GLIPR1: variants seen among roughly 807,000 people sequenced by gnomAD.
GLIPR1 encodes glioma pathogenesis-related protein 1.
Under a neutral mutation model 30.3 loss-of-function variants are expected in GLIPR1, and 38 were observed. The ratio of observed to expected loss-of-function variants is 1.26; its 90% CI spans 0.97 to 1.65. The LOEUF (loss-of-function observed/expected upper bound fraction) is 1.65, where lower values mean the gene tolerates loss of function less well. GLIPR1 is among the 40% of genes most tolerant of loss of function. The pLI is 0.00. For synonymous variants in GLIPR1, 122 were observed against 110.6 expected (o/e 1.10, Z -0.65); for missense variants, 285 against 326.5 (o/e 0.87, Z 0.98).
rs752614186 is a variant in GLIPR1, at chr12:75,501,703, T to C, written c.*2725T>C. 3 of 1,496,100 alleles carry C rather than the reference T, an allele frequency of 2.0e-6. No homozygotes were observed. Among genetic ancestry groups the C allele is most frequent in the Non-Finnish European group, 1.8e-6 (2 of 1,084,894 alleles). The allele number at this position is 1,496,100 out of a possible 1,614,324, so 92.7% of individuals were successfully genotyped here. A position where few individuals can be genotyped will look rare whatever the true frequency, so the allele number is the denominator to read the frequency against. On this transcript the variant is annotated 3_prime_UTR_variant, in exon 6 of 6. Coordinates refer to ENST00000266659, the MANE Select transcript of GLIPR1 (RefSeq NM_006851.3). ...ACTTTTCCTAATTAATAAAGACTTT[T>C]ACATCATAGAAAGCATTACCTTCCT...
At chr12:75,488,768 C>CCCAGCT (rs981235191) in intron 2 of GLIPR1, among the ~76,000 whole-genome samples, 2 of 152,188 alleles carry the variant, frequency 1.3e-5, no homozygotes, top group African/African-American at 2.4e-5. Context: ...ACCAGCTCAT[C>CCCAGCT]CCAGCTCCAG....
chr12:75,481,444 G>A, intron 1 of GLIPR1: 1 of 222,872 alleles, frequency 4.5e-6, no homozygotes, highest in Non-Finnish European at 8.9e-6. Context: ...AATGGCATCT[G>A]GGGAAAGGAT....
Position 75,481,817 on chromosome 12 carries a change from A to C in GLIPR1, c.175-17A>C. On this transcript the variant is annotated splice_polypyrimidine_tract_variant and intron_variant, in intron 1 of 5. Transcript: ENST00000266659. ...ATTTCAGATGAACCCCCTATTGTTTAATGTTTATTTTTGCAGACTTGGGAC... is the reference window on the plus strand; with the variant it reads ...ATTTCAGATGAACCCCCTATTGTTTCATGTTTATTTTTGCAGACTTGGGAC... 6.2e-7 allele frequency: 1 copy of C among 1,612,324 alleles called. No individual in the cohort carries two copies. The highest frequency in any genetic ancestry group is 8.5e-7 in the Non-Finnish European group (1 of 1,178,502).
chr12:75,486,252 A>G (rs1470294306), intron 2 of GLIPR1, among the ~76,000 whole-genome samples: 1 of 152,190 alleles, frequency 6.6e-6, no homozygotes, highest in Non-Finnish European at 1.5e-5. Flanking sequence ...AAAAATGAGT[A>G]GCGCTTATAA....
chr12:75,481,106 T>A (rs778695948), intron 1 of GLIPR1, 52 bp downstream of exon 1: 123 of 1,391,564 alleles, frequency 8.8e-5, no homozygotes, highest in Middle Eastern at 1.9e-4. Context: ...ACAACTAATG[T>A]GTATTGACTT....
chr12:75,500,028 G>GAATATATGTTTA lies in GLIPR1; in HGVS notation c.*1052_*1063dup. On this transcript the variant is annotated 3_prime_UTR_variant, in exon 6 of 6. Coordinates refer to ENST00000266659, the MANE Select transcript of GLIPR1 (RefSeq NM_006851.3). ...AAACAAAGAATATATGTTTAACAAAGAATATATGTTTAAGGCAGTTAACTT... is the reference window on the plus strand; with the variant it reads ...AAACAAAGAATATATGTTTAACAAAGAATATATGTTTAAATATATGTTTAAGGCAGTTAACTT... The GAATATATGTTTA allele has an allele frequency of 8.6e-7, 1 of 1,164,780 alleles. No homozygotes were observed. The highest frequency in any genetic ancestry group is 1.5e-5 in the South Asian group (1 of 68,012). The allele number at this position is 1,164,780 out of a possible 1,614,324, so 72.2% of individuals were successfully genotyped here.
rs1474215690 is a variant in GLIPR1, at chr12:75,501,782, T to TCTTGTCTCTTA, written c.*2807_*2817dup. On this transcript the variant is annotated 3_prime_UTR_variant, in exon 6 of 6. Transcript: ENST00000266659. Reference sequence around the variant, plus strand: ...TGGAATAAATGCTTTGTTTCTTTCCTCTTGTCTCTTACTGATGGCTTCTGC... The same window carrying TCTTGTCTCTTA: ...TGGAATAAATGCTTTGTTTCTTTCCTCTTGTCTCTTACTTGTCTCTTACTGATGGCTTCTGC... 1 of 1,610,930 alleles carries TCTTGTCTCTTA rather than the reference T, an allele frequency of 6.2e-7. No individual in the cohort carries two copies. Among genetic ancestry groups the TCTTGTCTCTTA allele is most frequent in the Admixed American group, 1.7e-5 (1 of 59,824 alleles).
At position 75,502,839 on chromosome 12, in the gene GLIPR1, G is replaced by A. The variant is rs554950476; in HGVS notation, c.*3861G>A. 1 of 152,028 alleles carries A rather than the reference G, an allele frequency of 6.6e-6. No individual in the cohort carries two copies. Among genetic ancestry groups the A allele is most frequent in the Non-Finnish European group, 1.5e-5 (1 of 67,932 alleles). The allele number at this position is 152,028 out of a possible 1,614,324, so 9.4% of individuals were successfully genotyped here. A position where few individuals can be genotyped will look rare whatever the true frequency, so the allele number is the denominator to read the frequency against. On this transcript the variant is annotated 3_prime_UTR_variant, in exon 6 of 6. Coordinates refer to ENST00000266659, the MANE Select transcript of GLIPR1 (RefSeq NM_006851.3). ...CATAAGAAATAAGGCAGGTGTTATG[G>A]AAGCATGGTTTAATGACTGCATCAC...
At chr12:75,490,224 CA>C (rs1272031261) in intron 2 of GLIPR1, among the ~76,000 whole-genome samples, 181 bp from the exon 3 acceptor site, 42 of 150,914 alleles carry the variant, frequency 2.8e-4, no homozygotes, top group East Asian at 1.9e-3. Flanking sequence ...CACACACACA[CA>C]CACACACACC....
At chr12:75,494,785 G>A (rs982840193) in intron 3 of GLIPR1, 5 of 152,168 alleles carry the variant, frequency 3.3e-5, no homozygotes, top group Admixed American at 6.5e-5. Context: ...GGATATTTAT[G>A]GGGATATAAA....
intron 1 of GLIPR1, 35 bp from the exon 2 acceptor site, chr12:75,481,799 A>G (rs1354423490): frequency 6.2e-7 from 1 of 1,605,804 alleles, no homozygotes; most frequent in African/African-American, 1.3e-5. Context: ...TACATTTCAG[A>G]TGAACCCCCT....
chr12:75,486,155 T>C (rs1027841346), intron 2 of GLIPR1, among the ~76,000 whole-genome samples: 1 of 152,148 alleles, frequency 6.6e-6, no homozygotes, highest in Non-Finnish European at 1.5e-5. Flanking sequence ...TTCCAATCTT[T>C]TACCTACAAA....
At chr12:75,485,248 A>G (rs940849910) in intron 2 of GLIPR1, among the ~76,000 whole-genome samples, 4 of 152,190 alleles carry the variant, frequency 2.6e-5, no homozygotes, top group African/African-American at 7.2e-5. Context: ...AAAATGTATG[A>G]TATTTCTTGA....
chr12:75,490,121 T>A (rs1594057912), intron 2 of GLIPR1, among the ~76,000 whole-genome samples: 1 of 151,794 alleles, frequency 6.6e-6, no homozygotes, highest in Non-Finnish European at 1.5e-5. Flanking sequence ...AAAATCAGCA[T>A]CACCTTGCCA....
chr12:75,482,152 A>G, intron 2 of GLIPR1, 73 bp downstream of exon 2: 1 of 1,304,844 alleles, frequency 7.7e-7, no homozygotes, highest in Non-Finnish European at 1.1e-6. Flanking sequence ...TATGAAGTTA[A>G]GAAAATGTAT....
rs185650451 is a variant in GLIPR1 at position 75,503,130 on chromosome 12, G to C, written c.*4152G>C. On this transcript the variant is annotated 3_prime_UTR_variant, in exon 6 of 6. Transcript: ENST00000266659. ...GAAGATGGAATTCAAAGAACACATA[G>C]AAGAGGCTGATGCAGGTGGAAGAAA... The C allele has an allele frequency of 6.6e-6, 1 of 152,224 alleles. No homozygotes were observed. Among genetic ancestry groups the C allele is most frequent in the East Asian group, 1.9e-4 (1 of 5,180 alleles). The allele number at this position is 152,224 out of a possible 1,614,324, so 9.4% of individuals were successfully genotyped here.
chr12:75,485,533 T>TTTATTTA (rs1555239138), intron 2 of GLIPR1, among the ~76,000 whole-genome samples: 9 of 110,498 alleles, frequency 8.1e-5, no homozygotes, highest in East Asian at 5.6e-4. Flanking sequence ...GACAGCTTTA[T>TTTATTTA]TTTATTTATT....
At chr12:75,492,756 C>T (rs2046330400) in intron 3 of GLIPR1, 1 of 152,076 alleles carries the variant, frequency 6.6e-6, no homozygotes, top group East Asian at 1.9e-4. Flanking sequence ...TACTGAGCTC[C>T]AAAGGAGAAC....
rs185701977 is a variant in GLIPR1 at position 75,481,675 on chromosome 12, C to T, written c.175-159C>T. Among the ~76,000 whole-genome samples, 570 of 152,298 alleles carry T rather than the reference C, an allele frequency of 3.7e-3. 4 individuals carry two copies. Among genetic ancestry groups the T allele is most frequent in the African/African-American group, 0.013 (553 of 41,554 alleles). On this transcript the variant is annotated intron_variant, in intron 1 of 5. Transcript: ENST00000266659. The stretch of plus-strand genomic sequence containing the variant: ...TGAAACTAAATTGTCACGTTTCCTA[C>T]CAGCCCTACTCAGTGCTTGAAGACC...
Sources: allele counts gnomAD v4.1 joint callset (sites outside exome capture counted in the v4.1 genomes callset), GRCh38; gene constraint gnomAD v4.1.1; transcripts MANE v1.5; gene names NCBI Gene and HGNC (gene_info 2026-07-23, HGNC 2026-07-21).